Variants in GRM8 observed in about 807,000 individuals in gnomAD.
GRM8 encodes metabotropic glutamate receptor 8.
In GRM8, 47 loss-of-function variants were observed where a neutral mutation model predicts 87.2. The observed-to-expected ratio is 0.54, with a 90% CI of 0.43 to 0.69. The LOEUF (loss-of-function observed/expected upper bound fraction) is 0.69, where lower values mean the gene tolerates loss of function less well. Ranked by LOEUF, GRM8 falls within the 30% of genes least tolerant of loss-of-function variation. The probability of loss-of-function intolerance (pLI) is 0.00; values close to 1 mark genes in which losing one functional copy is unlikely to be tolerated. For synonymous variants in GRM8, 396 were observed against 404.5 expected (o/e 0.98, Z 0.25); for missense variants, 1,019 against 1,139.2 (o/e 0.89, Z 1.52).
At chr7:127,168,651 A>G (rs1793596864) in intron 2 of GRM8, among the ~76,000 whole-genome samples, 2 of 152,242 alleles carry the variant, frequency 1.3e-5, no homozygotes, top group South Asian at 4.1e-4. Flanking sequence ...AATGTGACAC[A>G]TATACACCAT....
At chr7:126,727,857 C>T (rs958372782) in intron 7 of GRM8, among the ~76,000 whole-genome samples, 3 of 152,138 alleles carry the variant, frequency 2.0e-5, no homozygotes, top group South Asian at 2.1e-4. Context: ...ACTTGAGTAG[C>T]TGGGCATTAC....
intron 1 of GRM8, among the ~76,000 whole-genome samples, chr7:127,246,700 A>T (rs1295554912): frequency 6.6e-6 from 1 of 152,184 alleles, no homozygotes; most frequent in East Asian, 1.9e-4. Context: ...CCGAGCCTGT[A>T]TCCCCCTAAA....
At chr7:126,472,251 T>A (rs1805357796) in intron 9 of GRM8, among the ~76,000 whole-genome samples, 1 of 152,186 alleles carries the variant, frequency 6.6e-6, no homozygotes, top group South Asian at 2.1e-4. Flanking sequence ...AGAGAGGGCA[T>A]CCCTGTCTTG....
At chr7:126,950,112 A>G (rs148723009) in intron 3 of GRM8, among the ~76,000 whole-genome samples, 1 of 152,346 alleles carries the variant, frequency 6.6e-6, no homozygotes, top group Non-Finnish European at 1.5e-5. Context: ...CACTGCATTT[A>G]CAAAATATAT....
At chr7:126,554,051 T>C (rs1281580724) in intron 8 of GRM8, among the ~76,000 whole-genome samples, 1 of 152,194 alleles carries the variant, frequency 6.6e-6, no homozygotes, top group East Asian at 1.9e-4. Flanking sequence ...TATCATTGTT[T>C]CATATTTGGA....
chr7:126,876,171 A>G (rs1799510723), intron 6 of GRM8, among the ~76,000 whole-genome samples: 1 of 152,052 alleles, frequency 6.6e-6, no homozygotes, highest in Admixed American at 6.6e-5. Flanking sequence ...CATTTCTTAC[A>G]TGGCATTTAC....
intron 3 of GRM8, among the ~76,000 whole-genome samples, chr7:127,002,291 C>T (rs6951546): frequency 1.3e-5 from 2 of 151,328 alleles, no homozygotes; most frequent in Non-Finnish European, 1.5e-5. Flanking sequence ...GCATCATCAA[C>T]GCAATATGGC....
chr7:126,990,647 G>T (rs4540333), intron 3 of GRM8, among the ~76,000 whole-genome samples: 6 of 152,040 alleles, frequency 3.9e-5, no homozygotes, highest in African/African-American at 1.4e-4. Context: ...TTAAATCCTG[G>T]TTCTGCCTTT....
chr7:126,998,391 T>C (rs1042653949), intron 3 of GRM8, among the ~76,000 whole-genome samples: 2 of 151,808 alleles, frequency 1.3e-5, no homozygotes, highest in African/African-American at 4.8e-5. Context: ...GTATTCAACA[T>C]AGTACTGAAG....
chr7:126,859,904 T>C (rs191113252), intron 6 of GRM8, among the ~76,000 whole-genome samples: 49 of 152,058 alleles, frequency 3.2e-4, no homozygotes, highest in African/African-American at 1.2e-3. Flanking sequence ...CTGGGAAGAG[T>C]GAAAGGAAGG....
At chr7:126,753,031 T>C (rs145163453) in intron 7 of GRM8, among the ~76,000 whole-genome samples, 3 of 152,078 alleles carry the variant, frequency 2.0e-5, no homozygotes, top group South Asian at 4.1e-4. Context: ...TAATAATCTG[T>C]TCAATGACTA....
chr7:126,686,182 C>A (rs1808163841), intron 7 of GRM8, among the ~76,000 whole-genome samples: 2 of 152,000 alleles, frequency 1.3e-5, no homozygotes, highest in Admixed American at 6.5e-5. Context: ...GATGCCCTGG[C>A]TACAGAGAGG....
chr7:126,820,560 A>G (rs1794203878), intron 6 of GRM8, among the ~76,000 whole-genome samples: 1 of 152,220 alleles, frequency 6.6e-6, no homozygotes, highest in Non-Finnish European at 1.5e-5. Context: ...TAAATTCAAC[A>G]GTCCACGTCA....
intron 6 of GRM8, among the ~76,000 whole-genome samples, chr7:126,776,275 G>A (rs1433988645): frequency 6.6e-6 from 1 of 152,080 alleles, no homozygotes; most frequent in Non-Finnish European, 1.5e-5. Context: ...GAAAACAAAG[G>A]AATGAGAGAA....
chr7:126,566,756 G>C (rs930408526), intron 8 of GRM8, among the ~76,000 whole-genome samples: 2 of 152,160 alleles, frequency 1.3e-5, no homozygotes, highest in Non-Finnish European at 2.9e-5. Context: ...CTGTTCACAA[G>C]AGTCAAGATG....
intron 2 of GRM8, among the ~76,000 whole-genome samples, chr7:127,208,345 T>A (rs1488112905): frequency 6.6e-6 from 1 of 152,128 alleles, no homozygotes; most frequent in East Asian, 1.9e-4. Flanking sequence ...TTGGCCAACC[T>A]CAGCATAAAT....
At chr7:126,531,889 T>G (rs1306351430) in intron 9 of GRM8, among the ~76,000 whole-genome samples, 1 of 152,174 alleles carries the variant, frequency 6.6e-6, no homozygotes, top group South Asian at 2.1e-4. Context: ...GCCTGGGAAA[T>G]GTAATTACCC....
At chr7:126,469,328 C>A (rs1804872614) in intron 9 of GRM8, among the ~76,000 whole-genome samples, 1 of 152,152 alleles carries the variant, frequency 6.6e-6, no homozygotes, top group South Asian at 2.1e-4. Context: ...TCATTCTTTT[C>A]TGAACCTACT....
chr7:126,932,652 C>T (rs2131455515), intron 3 of GRM8, among the ~76,000 whole-genome samples: 2 of 152,260 alleles, frequency 1.3e-5, no homozygotes, highest in African/African-American at 4.8e-5. Context: ...CTAGAGACTA[C>T]AAATTAAGTT....
Sources: allele counts gnomAD v4.1 joint callset (sites outside exome capture counted in the v4.1 genomes callset), GRCh38; gene constraint gnomAD v4.1.1; transcripts MANE v1.5; gene names NCBI Gene and HGNC (gene_info 2026-07-23, HGNC 2026-07-21).